The following UNKL variants were observed in gnomAD, a reference collection of about 807,000 sequenced individuals.
UNKL encodes the protein unk like zinc finger, also known as putative E3 ubiquitin-protein ligase UNKL.
Under a neutral mutation model 78.0 loss-of-function variants are expected in UNKL, and 60 were observed. That is an observed-to-expected ratio of 0.77 (90% CI 0.63 to 0.95). UNKL has a LOEUF of 0.95. Ranked by LOEUF, UNKL falls within the 40% of genes least tolerant of loss-of-function variation. The pLI, the probability that UNKL is intolerant of heterozygous loss-of-function variation, is 0.00. For missense variants in UNKL, 1,159 were observed against 1,045.7 expected (o/e 1.11, Z -1.49); for synonymous variants, 608 against 474.8 (o/e 1.28, Z -3.65).
rs552437590 is a variant in UNKL, at chr16:1,373,094, A to G, written c.1265-1483T>C. ...TACACCGCACAGAGACCTCAGCAGC[A>G]TGGAACACACCACACAGGGACTGCC... On this transcript the variant is annotated intron_variant, in intron 10 of 14. Transcript: ENST00000389221. Among the ~76,000 whole-genome samples the G allele has an allele frequency of 8.5e-3, 63 of 7,400 alleles. 26 individuals are homozygous for G. The highest frequency in any genetic ancestry group is 0.01 in the Non-Finnish European group (44 of 4,288). The allele number at this position is 7,400 out of a possible 152,430, so 4.9% of individuals were successfully genotyped here. A position where few individuals can be genotyped will look rare whatever the true frequency, so the allele number is the denominator to read the frequency against.
Position 1,367,703 on chromosome 16 carries a change from T to A in UNKL, c.1741A>T (p.Lys581Ter). ...ARVRRQLDEA[K>*]RKIRQWEESW... is the part of the protein sequence containing the mutation. ...TCCTCCCACTGCCGGATCTTCCTCT[T>A]GGCCTCGTCCAGCTGCCGCCTGACC... The change falls in exon 13 of 15, where the codon AAG (lysine) becomes TAG (stop). Residue 581 changes from lysine to a stop codon, truncating the protein, a stop_gained. Transcript: ENST00000389221. LOFTEE classifies it high-confidence loss of function. 1 of 1,582,264 alleles carries A rather than the reference T, an allele frequency of 6.3e-7. No individual in the cohort carries two copies. The highest frequency in any genetic ancestry group is 1.2e-5 in the South Asian group (1 of 85,996).
At chr16:1,369,336 G>A (rs2035587783) in intron 12 of UNKL, among the ~76,000 whole-genome samples, 1 of 151,584 alleles carries the variant, frequency 6.6e-6, no homozygotes, top group South Asian at 2.1e-4. Flanking sequence ...CCAAGTGCTG[G>A]GATGACAGGC....
chr16:1,392,268 C>T (rs2037078586), intron 8 of UNKL, among the ~76,000 whole-genome samples: 1 of 152,176 alleles, frequency 6.6e-6, no homozygotes, highest in Admixed American at 6.6e-5. Context: ...TTCCTTCCTG[C>T]CTCGAAGCCG....
chr16:1,401,396 G>A (rs1016130545), intron 4 of UNKL, 172 bp downstream of exon 4: 62 of 837,972 alleles, frequency 7.4e-5, no homozygotes, highest in African/African-American at 1.3e-4. Context: ...AATCCCACTC[G>A]GCACCCACCC....
chr16:1,366,889 A>AGGAAAAGCGGCTCCCAGGG (rs2035307230), intron 14 of UNKL, among the ~76,000 whole-genome samples: 1 of 151,136 alleles, frequency 6.6e-6, no homozygotes, highest in Non-Finnish European at 1.5e-5. Flanking sequence ...CCAGCCTGAC[A>AGGAAAAGCGGCTCCCAGGG]GGAAAGGCGG....
chr16:1,395,891 G>A (rs1293153537), intron 6 of UNKL: 3 of 405,144 alleles, frequency 7.4e-6, no homozygotes, highest in Admixed American at 2.6e-5. Context: ...GTCAAGAAAC[G>A]ACGGGAAGCA....
intron 1 of UNKL, 155 bp from the exon 2 acceptor site, chr16:1,414,210 C>T: frequency 1.3e-6 from 1 of 741,508 alleles, no homozygotes; most frequent in Non-Finnish European, 2.1e-6. Context: ...CCACCCCCAT[C>T]CCGACTCCAG....
chr16:1,408,269 C>CG (rs1567239709), intron 2 of UNKL, among the ~76,000 whole-genome samples: 1 of 152,208 alleles, frequency 6.6e-6, no homozygotes, highest in Non-Finnish European at 1.5e-5. Flanking sequence ...TGCCCCCCCC[C>CG]CCAACGACCA....
intron 10 of UNKL, among the ~76,000 whole-genome samples, chr16:1,376,199 CCTCACTCCAAGGCTGGGGCATG>C (rs2036208988): frequency 7.0e-6 from 1 of 142,298 alleles, no homozygotes; most frequent in African/African-American, 2.7e-5. Context: ...CTCCCTCCTC[CCTCACTCCAAGGCTGGGGCATG>C]CTCCTCCCTC....
intron 10 of UNKL, among the ~76,000 whole-genome samples, chr16:1,380,022 C>G (rs1401778288): frequency 6.6e-6 from 1 of 152,360 alleles, no homozygotes; most frequent in African/African-American, 2.4e-5. Flanking sequence ...GAGCTGGGGC[C>G]GCTGCCTGCC....
Position 1,414,618 on chromosome 16 carries a change from T to C in UNKL, c.74A>G (p.Tyr25Cys). 1 of 1,096,532 alleles carries C rather than the reference T, an allele frequency of 9.1e-7. No homozygotes were observed. Among genetic ancestry groups the C allele is most frequent in the Non-Finnish European group, 1.1e-6 (1 of 894,030 alleles). The allele number at this position is 1,096,532 out of a possible 1,614,324, so 67.9% of individuals were successfully genotyped here. The change falls in exon 1 of 15, where the codon TAC (tyrosine) becomes TGC (cysteine). Residue 25 changes from tyrosine to cysteine, a missense_variant. By Grantham distance (194) the Tyr-to-Cys change is radical. Transcript: ENST00000389221. The stretch of plus-strand genomic sequence containing the variant: ...CGCAGGCCGGACGGGCGCTGACCTG[T>C]AGTGGGTCGGCTTCTCAGTCTGCGG... ...SPPQTEKPTH[Y>C]RYLKEFRTEQ...
chr16:1,366,298 G>T lies in UNKL; in HGVS notation c.2144C>A (p.Pro715Gln). Residue 715 changes from proline to glutamine, a missense_variant, in exon 15 of 15, where the codon CCG becomes CAG. Transcript: ENST00000389221. Reference protein sequence around the residue: ...RPCQHHILCEPCAATAPECPY... With the variant: ...RPCQHHILCEQCAATAPECPY... ...GCACTCAGGTGCGGTGGCCGCACAC[G>T]GCTCACAGAGGATGTGGTGCTGACA... 1 of 1,599,238 alleles carries T rather than the reference G, an allele frequency of 6.3e-7. No individual in the cohort carries two copies. Among genetic ancestry groups the T allele is most frequent in the South Asian group, 1.1e-5 (1 of 88,872 alleles).
At position 1,366,341 on chromosome 16, in the gene UNKL, C is replaced by T. The variant is rs149143674; in HGVS notation, c.2101G>A (p.Gly701Ser). The change falls in exon 15 of 15, where the codon GGT becomes AGT. Residue 701 changes from glycine to serine, a missense_variant. By Grantham distance (56) the Gly-to-Ser change is moderately conservative (BLOSUM62 0). Transcript: ENST00000389221. The stretch of plus-strand genomic sequence containing the variant: ...TGCTGACAGGGCCGCAGGACAGCAC[C>T]GTGGGCCCGCTCCCGGCAGGCCACA... ...QCVACRERAH[G>S]AVLRPCQHHI... The T allele has an allele frequency of 2.4e-5, 38 of 1,604,216 alleles. No individual in the cohort carries two copies. The African/African-American group carries it at 2.8e-4, about 12-fold the overall frequency.
At position 1,385,417 on chromosome 16, in the gene UNKL, A is replaced by G. The variant is rs113320222; in HGVS notation, c.1087-32T>C. ...AAAGACATAAACACCGTGAGCGCGCACCCCCTGCGTGGAGGAGGCAGCGCC... is the reference window on the plus strand; with the variant it reads ...AAAGACATAAACACCGTGAGCGCGCGCCCCCTGCGTGGAGGAGGCAGCGCC... On this transcript the variant is annotated intron_variant, in intron 9 of 14. Transcript: ENST00000389221. 2.9e-4 allele frequency: 380 copies of G among 1,304,822 alleles called. 2 individuals carry two copies. The African/African-American group carries it at 4.4e-3, about 15-fold the overall frequency. The allele number at this position is 1,304,822 out of a possible 1,614,324, so 80.8% of individuals were successfully genotyped here. A position where few individuals can be genotyped will look rare whatever the true frequency, so the allele number is the denominator to read the frequency against.
intron 2 of UNKL, among the ~76,000 whole-genome samples, chr16:1,407,822 C>T (rs1019757518): frequency 6.6e-6 from 1 of 152,078 alleles, no homozygotes. Flanking sequence ...AGTGCAGGAG[C>T]GCTCTTCTGG....
intron 2 of UNKL, among the ~76,000 whole-genome samples, chr16:1,406,566 C>G (rs2037773172): frequency 1.3e-5 from 2 of 152,124 alleles, no homozygotes; most frequent in African/African-American, 4.8e-5. Flanking sequence ...TCCCAAACTC[C>G]TGGGCTCAAG....
In UNKL at chr16:1,366,191, G is replaced by A. The variant is rs776797235; in HGVS notation, c.*49C>T. ...GTGACGACATGTCCGTGGTCAGGAG[G>A]AGCGCTGGAGCCAGGGTGCCCAGCA... On this transcript the variant is annotated 3_prime_UTR_variant, in exon 15 of 15. Coordinates refer to ENST00000389221, the MANE Select transcript of UNKL (RefSeq NM_001372107.1). 12 of 1,448,158 alleles carry A rather than the reference G, an allele frequency of 8.3e-6. No individual in the cohort carries two copies. Among genetic ancestry groups the A allele is most frequent in the East Asian group, 7.8e-5 (3 of 38,660 alleles). 89.7% of individuals were successfully genotyped at this position (1,448,158 alleles called of 1,614,324 possible).
intron 14 of UNKL, 82 bp from the exon 15 acceptor site, chr16:1,366,477 G>C: frequency 6.9e-7 from 1 of 1,445,192 alleles, no homozygotes. Flanking sequence ...CTTCCGGGCA[G>C]GACTCAGCAT....
rs1383887188 is a variant in UNKL at position 1,387,813 on chromosome 16, A to G, written c.1087-2428T>C. ...GGAAGCCCTCCCCCACCCCCGCCTC[A>G]TCCCATCTCTTGGCAGCCCACCCTG... On this transcript the variant is annotated intron_variant, in intron 9 of 14. Transcript: ENST00000389221. This position sits in a 1 kb window ranked among gnomAD's most constrained non-coding sequence, Gnocchi z 4.1. Among the ~76,000 whole-genome samples the G allele has an allele frequency of 2.0e-5, 1 of 50,578 alleles. No homozygotes were observed. Among genetic ancestry groups the G allele is most frequent in the African/African-American group, 7.5e-5 (1 of 13,250 alleles). 33.2% of individuals were successfully genotyped at this position (50,578 alleles called of 152,430 possible).
Sources: gnomAD v4.1 joint callset for allele counts (sites outside exome capture counted in the v4.1 genomes callset) on GRCh38, gnomAD v4.1.1 for gene constraint, Gnocchi (gnomAD v3.1) non-coding constraint, MANE v1.5 for transcripts, NCBI Gene and HGNC (gene_info 2026-07-23, HGNC 2026-07-21) for gene names.